Variants in TBCK observed in about 807,000 individuals in gnomAD.
TBCK encodes the protein TBC domain-containing protein kinase-like protein.
TBCK carries 99 observed loss-of-function variants against 113.4 expected under a neutral mutation model. The ratio of observed to expected loss-of-function variants is 0.87; its 90% CI spans 0.74 to 1.03. The LOEUF is 1.03. Among genes scored for constraint, TBCK ranks in the 50% least tolerant of loss-of-function variants. TBCK has a pLI of 0.00. For synonymous variants in TBCK, 369 were observed against 370.8 expected, an observed-to-expected ratio of 1.00 and a Z score of 0.05; for missense variants, 1,045 against 1,061.3, an observed-to-expected ratio of 0.98 and a Z score of 0.21.
intron 20 of TBCK, among the ~76,000 whole-genome samples, chr4:106,210,163 G>A (rs1237439017): frequency 6.6e-6 from 1 of 151,960 alleles, no homozygotes; most frequent in Non-Finnish European, 1.5e-5. Context: ...TCTCCTTCTA[G>A]ACAAAAGACA....
intron 23 of TBCK, among the ~76,000 whole-genome samples, chr4:106,150,406 T>C (rs1313301090): frequency 6.6e-6 from 1 of 152,084 alleles, no homozygotes; most frequent in Non-Finnish European, 1.5e-5. Context: ...AAGCAACACA[T>C]AGGGACTTTA....
intron 3 of TBCK, among the ~76,000 whole-genome samples, chr4:106,294,680 A>G (rs759858311): frequency 1.1e-4 from 16 of 151,558 alleles, no homozygotes; most frequent in Non-Finnish European, 2.2e-4. Context: ...ACAGGGTTTC[A>G]CCGTGTTAGC....
chr4:106,181,768 T>C (rs1009301906), intron 22 of TBCK, among the ~76,000 whole-genome samples: 3 of 152,186 alleles, frequency 2.0e-5, no homozygotes, highest in African/African-American at 7.2e-5. Context: ...TTGGTTACTA[T>C]AGCCTTGTAG....
intron 25 of TBCK, among the ~76,000 whole-genome samples, chr4:106,078,148 A>G (rs1480186548): frequency 6.6e-6 from 1 of 152,192 alleles, no homozygotes; most frequent in Non-Finnish European, 1.5e-5. Context: ...CATTAAGAGG[A>G]AGATTCATAG....
chr4:106,231,653 C>T, intron 18 of TBCK, 76 bp downstream of exon 18: 6 of 1,418,984 alleles, frequency 4.2e-6, no homozygotes, highest in Non-Finnish European at 5.8e-6. Context: ...AAAACAAAAA[C>T]AAAAACCTTT....
chr4:106,240,276 T>A (rs1298606406), intron 12 of TBCK, among the ~76,000 whole-genome samples: 3 of 151,940 alleles, frequency 2.0e-5, no homozygotes, highest in Non-Finnish European at 2.9e-5. Context: ...AAAGCAAACT[T>A]TTAAAACCAG....
Position 106,090,917 on chromosome 4 carries a change from CTT to C in TBCK, c.2571+4563_2571+4564del, listed in dbSNP as rs1740148395. Reference sequence around the variant, plus strand: ...TAATCAGTCTCTAAGAAGTTTCAAACTTTTACTCATTTTCCTGTCTTCTTCTG... The same window carrying C: ...TAATCAGTCTCTAAGAAGTTTCAAACTTACTCATTTTCCTGTCTTCTTCTG... On this transcript the variant is annotated intron_variant, in intron 25 of 25. Coordinates refer to ENST00000394708, the MANE Select transcript of TBCK (RefSeq NM_001163435.3). 2.6e-5 allele frequency among the ~76,000 whole-genome samples: 4 copies of C among 152,314 alleles called. No homozygotes were observed. In the South Asian group the frequency reaches 8.3e-4, roughly 32 times the overall value.
At chr4:106,226,475 C>T (rs1579314342) in intron 19 of TBCK, among the ~76,000 whole-genome samples, 1 of 152,028 alleles carries the variant, frequency 6.6e-6, no homozygotes, top group Non-Finnish European at 1.5e-5. Context: ...TTTGAGGATT[C>T]CCCAATATTT....
intron 25 of TBCK, among the ~76,000 whole-genome samples, chr4:106,071,675 T>C (rs1191082716): frequency 1.3e-5 from 2 of 152,194 alleles, no homozygotes; most frequent in Admixed American, 1.3e-4. Context: ...GTCTTGTTGA[T>C]CTGTCTCATA....
At chr4:106,087,624 G>C (rs1191440939) in intron 25 of TBCK, among the ~76,000 whole-genome samples, 1 of 152,150 alleles carries the variant, frequency 6.6e-6, no homozygotes, top group Admixed American at 6.5e-5. Context: ...ATATAGGCAA[G>C]ACAATCCTAA....
At chr4:106,104,048 C>T (rs72964404) in intron 24 of TBCK, among the ~76,000 whole-genome samples, 4,187 of 152,246 alleles carry the variant, frequency 0.028, 187 homozygotes, top group African/African-American at 0.096. Flanking sequence ...TTCAGTCTGA[C>T]GGACAGAGCT....
chr4:106,058,344 C>T (rs1165325874), intron 25 of TBCK, among the ~76,000 whole-genome samples: 1 of 151,714 alleles, frequency 6.6e-6, no homozygotes, highest in African/African-American at 2.4e-5. Context: ...GCTTTGTGCC[C>T]TCACATGGTG....
chr4:106,118,855 A>G (rs2149577742), intron 23 of TBCK, among the ~76,000 whole-genome samples: 1 of 152,332 alleles, frequency 6.6e-6, no homozygotes, highest in South Asian at 2.1e-4. Context: ...GAGTATTGCT[A>G]TATGAAATGG....
chr4:106,167,498 T>C (rs1750533706), intron 23 of TBCK, among the ~76,000 whole-genome samples: 1 of 151,214 alleles, frequency 6.6e-6, no homozygotes, highest in Non-Finnish European at 1.5e-5. Context: ...GCAAATTAAG[T>C]TCAAAGTGAG....
intron 19 of TBCK, among the ~76,000 whole-genome samples, chr4:106,216,171 G>A (rs1361799607): frequency 6.6e-6 from 1 of 151,538 alleles, no homozygotes; most frequent in Non-Finnish European, 1.5e-5. Context: ...AAACCAACGA[G>A]AACAAAGACA....
At chr4:106,164,361 GA>G in intron 23 of TBCK, 1 of 151,944 alleles carries the variant, frequency 6.6e-6, no homozygotes, top group Non-Finnish European at 1.5e-5. Flanking sequence ...CAAAAAAAAG[GA>G]TACATAATTG....
At chr4:106,097,085 ACTC>A (rs1027530111) in intron 24 of TBCK, among the ~76,000 whole-genome samples, 2 of 152,084 alleles carry the variant, frequency 1.3e-5, no homozygotes, top group African/African-American at 4.8e-5. Context: ...TTTAATCTAA[ACTC>A]CTTTCAGTTA....
At chr4:106,254,237 A>G (rs528262933) in intron 5 of TBCK, among the ~76,000 whole-genome samples, 42 of 152,194 alleles carry the variant, frequency 2.8e-4, no homozygotes, top group Non-Finnish European at 4.3e-4. Flanking sequence ...GCAAGTGTTC[A>G]GCATAAACCA....
chr4:106,162,660 G>C (rs1311509835), intron 23 of TBCK, among the ~76,000 whole-genome samples: 1 of 152,174 alleles, frequency 6.6e-6, no homozygotes, highest in East Asian at 1.9e-4. Context: ...CACCATGTGG[G>C]AAACTGCAAG....
Sources: gnomAD v4.1 joint callset for allele counts (sites outside exome capture counted in the v4.1 genomes callset) on GRCh38, gnomAD v4.1.1 for gene constraint, MANE v1.5 for transcripts, NCBI Gene and HGNC (gene_info 2026-07-23, HGNC 2026-07-21) for gene names.